Variants in LCORL observed in about 807,000 individuals in gnomAD.
LCORL encodes ligand dependent nuclear receptor corepressor like, also known as ligand-dependent nuclear receptor corepressor-like protein.
In LCORL, 41 loss-of-function variants were observed where a neutral mutation model predicts 141.8. The observed-to-expected ratio is 0.29, with a 90% CI of 0.23 to 0.38. The LOEUF (loss-of-function observed/expected upper bound fraction) is 0.38. Among genes scored for constraint, LCORL ranks in the 10% least tolerant of loss-of-function variants. The probability of loss-of-function intolerance (pLI) is 1.00; values close to 1 mark genes in which losing one functional copy is unlikely to be tolerated. For synonymous variants in LCORL, 618 were observed against 694.1 expected, an observed-to-expected ratio of 0.89 and a Z score of 1.72; for missense variants, 1,759 against 2,035.0, an observed-to-expected ratio of 0.86 and a Z score of 2.61.
chr4:17,885,645 A>G (rs139487344), intron 6 of LCORL, among the ~76,000 whole-genome samples: 324 of 152,078 alleles, frequency 2.1e-3, no homozygotes, highest in African/African-American at 7.2e-3. Context: ...CACCACATCT[A>G]AAGTGCAATA....
chr4:17,992,169 G>C (rs899486292), intron 1 of LCORL, among the ~76,000 whole-genome samples: 1 of 152,150 alleles, frequency 6.6e-6, no homozygotes, highest in Non-Finnish European at 1.5e-5. Flanking sequence ...ACATGGCTAG[G>C]GAGGCCTCAA....
At chr4:17,955,387 G>A (rs1372834425) in intron 4 of LCORL, among the ~76,000 whole-genome samples, 2 of 152,118 alleles carry the variant, frequency 1.3e-5, no homozygotes, top group African/African-American at 4.8e-5. Context: ...AGGGAAGGTG[G>A]AAAGTGGAGA....
At chr4:17,916,799 C>G (rs556889524) in intron 4 of LCORL, among the ~76,000 whole-genome samples, 22 of 151,826 alleles carry the variant, frequency 1.4e-4, no homozygotes, top group African/African-American at 5.3e-4. Context: ...CATGTGCCAC[C>G]AAGCCCAGCT....
At chr4:17,916,890 C>T (rs1733530858) in intron 4 of LCORL, among the ~76,000 whole-genome samples, 1 of 152,074 alleles carries the variant, frequency 6.6e-6, no homozygotes, top group African/African-American at 2.4e-5. Context: ...AGTGGGCTGC[C>T]TGCCTTGGCC....
At chr4:17,906,833 T>G (rs993973676) in intron 5 of LCORL, among the ~76,000 whole-genome samples, 4 of 152,020 alleles carry the variant, frequency 2.6e-5, no homozygotes, top group African/African-American at 7.2e-5. Context: ...ACTACAGGCA[T>G]GTGCCACCAC....
intron 1 of LCORL, among the ~76,000 whole-genome samples, chr4:17,997,568 T>C (rs1402467609): frequency 6.6e-6 from 1 of 152,190 alleles, no homozygotes; most frequent in East Asian, 1.9e-4. Flanking sequence ...TGGCAAATGA[T>C]AATGCTTTAG....
intron 5 of LCORL, among the ~76,000 whole-genome samples, chr4:17,898,267 G>C (rs1730299472): frequency 6.6e-6 from 1 of 152,026 alleles, no homozygotes; most frequent in South Asian, 2.1e-4. Flanking sequence ...AAAATGCTGG[G>C]TAAAATCACT....
chr4:18,010,008 T>C (rs1359735782), intron 1 of LCORL, among the ~76,000 whole-genome samples: 3 of 152,050 alleles, frequency 2.0e-5, no homozygotes, highest in Non-Finnish European at 2.9e-5. Context: ...GAAGAAGACA[T>C]TGAAGAACAA....
intron 7 of LCORL, among the ~76,000 whole-genome samples, chr4:17,847,878 A>C (rs1426003790): frequency 2.0e-5 from 3 of 152,214 alleles, no homozygotes; most frequent in Non-Finnish European, 4.4e-5. Flanking sequence ...AAACACAATT[A>C]TATTAATCAA....
chr4:17,889,149 C>CA (rs1491547604), intron 5 of LCORL, among the ~76,000 whole-genome samples: 1 of 152,062 alleles, frequency 6.6e-6, no homozygotes, highest in Non-Finnish European at 1.5e-5. Context: ...TTGGACTACT[C>CA]ACACACGAAG....
At chr4:17,879,182 C>T (rs550752670) in intron 6 of LCORL, among the ~76,000 whole-genome samples, 95 of 150,966 alleles carry the variant, frequency 6.3e-4, no homozygotes, top group Non-Finnish European at 1.2e-3. Context: ...TGTTTAAATG[C>T]AGAATTATGC....
intron 1 of LCORL, among the ~76,000 whole-genome samples, chr4:18,019,610 G>A (rs760958922): frequency 5.3e-5 from 8 of 151,846 alleles, no homozygotes; most frequent in Non-Finnish European, 7.4e-5. Context: ...TTCATTTAAA[G>A]TTTGACTATT....
At chr4:17,895,799 T>C (rs1211903215) in intron 5 of LCORL, among the ~76,000 whole-genome samples, 1 of 152,184 alleles carries the variant, frequency 6.6e-6, no homozygotes, top group Non-Finnish European at 1.5e-5. Context: ...TAGAATCATA[T>C]ATTTGGTCTT....
chr4:17,858,235 A>T (rs1724584980), intron 7 of LCORL, among the ~76,000 whole-genome samples: 1 of 152,202 alleles, frequency 6.6e-6, no homozygotes, highest in East Asian at 1.9e-4. Context: ...CCTAGATGGT[A>T]TTAATAGCAG....
At chr4:17,982,261 C>A (rs1718145664) in intron 1 of LCORL, among the ~76,000 whole-genome samples, 1 of 151,972 alleles carries the variant, frequency 6.6e-6, no homozygotes, top group African/African-American at 2.4e-5. Context: ...TCTTTACATA[C>A]AATACAACAA....
At chr4:17,999,712 G>C (rs1021584795) in intron 1 of LCORL, among the ~76,000 whole-genome samples, 1 of 152,142 alleles carries the variant, frequency 6.6e-6, no homozygotes, top group African/African-American at 2.4e-5. Context: ...GCGACAATTT[G>C]GTAAGAAGAA....
Position 18,021,208 on chromosome 4 carries a change from C to G in LCORL, c.154+390G>C, listed in dbSNP as rs1050063873. On this transcript the variant is annotated intron_variant, in intron 1 of 7. Transcript: ENST00000635767. The surrounding 1 kb of genome is among the most constrained non-coding windows in gnomAD (Gnocchi z 5.5). The stretch of plus-strand genomic sequence containing the variant: ...TTCCTCCGGCCGCCCTGCCCGCCGG[C>G]TCTCCTCCGCCAGGGCGCCGACCCA... Among the ~76,000 whole-genome samples, 25 of 152,046 alleles carry G rather than the reference C, an allele frequency of 1.6e-4. No individual in the cohort carries two copies. The highest frequency in any genetic ancestry group is 3.5e-4 in the Non-Finnish European group (24 of 67,970).
At chr4:18,006,741 C>G (rs1375362029) in intron 1 of LCORL, among the ~76,000 whole-genome samples, 1 of 152,116 alleles carries the variant, frequency 6.6e-6, no homozygotes, top group Non-Finnish European at 1.5e-5. Context: ...GACCCATTCC[C>G]TATAATTCAA....
intron 6 of LCORL, chr4:17,880,820 C>T (rs192241897): frequency 1.1e-6 from 1 of 878,696 alleles, no homozygotes; most frequent in Non-Finnish European, 1.4e-6. Flanking sequence ...AAGACAGATA[C>T]ATGAATTCAT....
Sources: allele counts gnomAD v4.1 joint callset (sites outside exome capture counted in the v4.1 genomes callset), GRCh38; gene constraint gnomAD v4.1.1; non-coding constraint Gnocchi (gnomAD v3.1); transcripts MANE v1.5; gene names NCBI Gene and HGNC (gene_info 2026-07-23, HGNC 2026-07-21).